Variants in OTUD7A observed in about 807,000 individuals in gnomAD.
OTUD7A encodes OTU domain-containing protein 7A.
Under a neutral mutation model 65.7 loss-of-function variants are expected in OTUD7A, and 12 were observed. The ratio of observed to expected loss-of-function variants is 0.18; its 90% CI spans 0.12 to 0.30. OTUD7A has a LOEUF of 0.30. Ranked by LOEUF, OTUD7A falls within the 10% of genes least tolerant of loss-of-function variation. The pLI, the probability that OTUD7A is intolerant of heterozygous loss-of-function variation, is 1.00. For missense variants in OTUD7A, 1,148 were observed against 1,304.8 expected (o/e 0.88, Z 1.85); for synonymous variants, 641 against 586.3 (o/e 1.09, Z -1.35).
intron 1 of OTUD7A, among the ~76,000 whole-genome samples, chr15:31,819,515 T>C (rs1896628054): frequency 6.6e-6 from 1 of 152,206 alleles, no homozygotes; most frequent in African/African-American, 2.4e-5. Context: ...TCTATATATT[T>C]GTAGAGCTAA....
intron 1 of OTUD7A, among the ~76,000 whole-genome samples, chr15:31,759,142 CTG>C (rs1347254623): frequency 1.3e-5 from 2 of 152,180 alleles, no homozygotes; most frequent in African/African-American, 4.8e-5. Context: ...GGCAGCAGCT[CTG>C]TATTTCCAGG....
chr15:31,501,934 A>T, intron 9 of OTUD7A, 95 bp from the exon 10 acceptor site: 1 of 1,380,054 alleles, frequency 7.2e-7, no homozygotes, highest in Middle Eastern at 2.6e-4. Context: ...CCCCGGGGGG[A>T]CTCCGTGGAG....
At chr15:31,754,386 G>C (rs1894751088) in intron 1 of OTUD7A, among the ~76,000 whole-genome samples, 1 of 152,096 alleles carries the variant, frequency 6.6e-6, no homozygotes, top group Non-Finnish European at 1.5e-5. Context: ...ATTTATCTTT[G>C]TTTTTATTGC....
chr15:31,484,197 G>T lies in OTUD7A; in HGVS notation c.1899C>A (p.Arg633=). 6.2e-7 allele frequency: 1 copy of T among 1,609,370 alleles called. No individual in the cohort carries two copies. The highest frequency in any genetic ancestry group is 8.5e-7 in the Non-Finnish European group (1 of 1,179,066). The change falls in exon 13 of 13, where the codon CGC becomes CGA. Residue 633 remains arginine, a synonymous_variant. Coordinates refer to ENST00000307050, the MANE Select transcript of OTUD7A (RefSeq NM_001382637.1). This position sits in a 1 kb window ranked among gnomAD's most constrained non-coding sequence, Gnocchi z 4.5. ...TDVKLSLNIL[R]AAMQGERKFI... Reference sequence around the variant, plus strand: ...ACTTGCGCTCCCCCTGCATGGCGGCGCGCAGGATGTTGAGGCTCAGCTTCA... The same window carrying T: ...ACTTGCGCTCCCCCTGCATGGCGGCTCGCAGGATGTTGAGGCTCAGCTTCA...
rs754915957 is a variant in OTUD7A, at chr15:31,817,236, C to G, written c.-100+53271G>C. Among the ~76,000 whole-genome samples the G allele has an allele frequency of 7.4e-4, 112 of 151,004 alleles. 1 individual carries two copies. The highest frequency in any genetic ancestry group is 3.4e-3 in the Middle Eastern group (1 of 292). ...CCAATTTAAGTCAGTTATTCACATC[C>G]AGTTTCTCCTGTTTGTATTACACCA... On this transcript the variant is annotated intron_variant, in intron 1 of 12. Coordinates refer to ENST00000307050, the MANE Select transcript of OTUD7A (RefSeq NM_001382637.1).
intron 1 of OTUD7A, among the ~76,000 whole-genome samples, chr15:31,736,758 A>G (rs1894203883): frequency 6.6e-6 from 1 of 152,252 alleles, no homozygotes; most frequent in African/African-American, 2.4e-5. Context: ...TAAAAATATT[A>G]AAAGAAAATA....
chr15:31,552,866 T>C (rs780720141), intron 5 of OTUD7A, among the ~76,000 whole-genome samples: 23 of 152,062 alleles, frequency 1.5e-4, no homozygotes, highest in Non-Finnish European at 3.1e-4. Context: ...CAACTGGCCA[T>C]GGGAGGAGCT....
intron 10 of OTUD7A, among the ~76,000 whole-genome samples, chr15:31,494,246 A>C (rs2041354587): frequency 2.6e-5 from 4 of 152,220 alleles, no homozygotes; most frequent in African/African-American, 4.8e-5. Flanking sequence ...GGAGGTGATT[A>C]AGGCATGAGG....
Position 31,526,445 on chromosome 15 carries a change from G to A in OTUD7A, c.797C>T (p.Thr266Ile). The change falls in exon 8 of 13, where the codon ACA becomes ATA. Residue 266 changes from threonine (T) to isoleucine (I), a missense_variant. By Grantham distance (89) the Thr-to-Ile change is moderately conservative. Around this residue, in one of 6 missense-constraint regions of OTUD7A, gnomAD observed 134 missense variants for 252.6 expected, o/e 0.53. Transcript: ENST00000307050. ...CCACTCCCGCTCCCACTCCTCCTCT[G>A]TGTACACCAGCCCTGACTGGCAGAG... is the stretch of plus-strand genomic sequence containing the variant. ...QQNKESGLVY[T>I]EEEWEREWTE... is the part of the protein sequence containing the mutation. The A allele has an allele frequency of 6.3e-7, 1 of 1,599,312 alleles. No homozygotes were observed. The highest frequency in any genetic ancestry group is 8.5e-7 in the Non-Finnish European group (1 of 1,178,030).
intron 1 of OTUD7A, among the ~76,000 whole-genome samples, chr15:31,837,179 A>G (rs1897074166): frequency 6.6e-6 from 1 of 152,180 alleles, no homozygotes; most frequent in Admixed American, 6.5e-5. Context: ...GTGTTTCTAT[A>G]TACTAGCAAT....
At chr15:31,688,035 G>A (rs901884407) in intron 1 of OTUD7A, among the ~76,000 whole-genome samples, 3 of 152,134 alleles carry the variant, frequency 2.0e-5, no homozygotes, top group Non-Finnish European at 4.4e-5. Context: ...AGCCAACATG[G>A]TGAAATCTCA....
At chr15:31,837,485 G>T (rs983669402) in intron 1 of OTUD7A, among the ~76,000 whole-genome samples, 3 of 152,088 alleles carry the variant, frequency 2.0e-5, no homozygotes, top group African/African-American at 7.2e-5. Flanking sequence ...GGCAGAGGTT[G>T]CAGTGGGGCA....
At chr15:31,553,433 G>A (rs924191107) in intron 5 of OTUD7A, among the ~76,000 whole-genome samples, 8 of 152,048 alleles carry the variant, frequency 5.3e-5, no homozygotes, top group Non-Finnish European at 8.8e-5. Context: ...GGGATCCCAC[G>A]GGTTTCACTT....
At chr15:31,570,962 A>T (rs1210043873) in intron 3 of OTUD7A, among the ~76,000 whole-genome samples, 1 of 152,222 alleles carries the variant, frequency 6.6e-6, no homozygotes, top group Non-Finnish European at 1.5e-5. Context: ...GCATCATCCT[A>T]TAGCACGATT....
At chr15:31,713,420 A>G (rs890310690) in intron 1 of OTUD7A, among the ~76,000 whole-genome samples, 1 of 152,140 alleles carries the variant, frequency 6.6e-6, no homozygotes, top group Non-Finnish European at 1.5e-5. Flanking sequence ...GGAGTTTGAG[A>G]CAAGCTTGGG....
chr15:31,759,210 G>A (rs773010405), intron 1 of OTUD7A, among the ~76,000 whole-genome samples: 6 of 152,166 alleles, frequency 3.9e-5, no homozygotes, highest in Admixed American at 2.0e-4. Flanking sequence ...CTCTGTCTCT[G>A]TATTAGAATC....
chr15:31,595,887 T>G (rs1478007747), intron 3 of OTUD7A, among the ~76,000 whole-genome samples: 1 of 152,126 alleles, frequency 6.6e-6, no homozygotes, highest in African/African-American at 2.4e-5. Context: ...CCTATGTTCC[T>G]TGGCTTGTGG....
chr15:31,843,916 G>A (rs945912359), intron 1 of OTUD7A, among the ~76,000 whole-genome samples: 5 of 152,098 alleles, frequency 3.3e-5, no homozygotes, highest in Non-Finnish European at 7.4e-5. Context: ...CAGTTTACAC[G>A]GTTCGCACTG....
chr15:31,792,903 C>G lies in OTUD7A; in HGVS notation c.-100+77604G>C, dbSNP rs539798391. ...ATACAGACTAGTGGCAGGCTGCCCCCCTGCCTGGCATGCCTGGGGATTCTA... is the reference window on the plus strand; with the variant it reads ...ATACAGACTAGTGGCAGGCTGCCCCGCTGCCTGGCATGCCTGGGGATTCTA... On this transcript the variant is annotated intron_variant, in intron 1 of 12. Coordinates refer to ENST00000307050, the MANE Select transcript of OTUD7A (RefSeq NM_001382637.1). Among the ~76,000 whole-genome samples, 11 of 152,252 alleles carry G rather than the reference C, an allele frequency of 7.2e-5. No individual in the cohort carries two copies. The South Asian group carries it at 1.2e-3, about 17-fold the overall frequency.
Sources: gnomAD v4.1 joint callset for allele counts (sites outside exome capture counted in the v4.1 genomes callset) on GRCh38, gnomAD v4.1.1 for gene constraint, gnomAD v4.1.1 regional missense constraint, Gnocchi (gnomAD v3.1) non-coding constraint, MANE v1.5 for transcripts, NCBI Gene and HGNC (gene_info 2026-07-23, HGNC 2026-07-21) for gene names.